Variants in CSNK1D observed in about 807,000 individuals in gnomAD.
The protein encoded by CSNK1D is casein kinase 1 delta, also known as casein kinase I isoform delta.
CSNK1D carries 16 observed loss-of-function variants against 46.6 expected under a neutral mutation model. The observed-to-expected ratio is 0.34, with a 90% confidence interval of 0.23 to 0.52. CSNK1D has a LOEUF of 0.52. CSNK1D is among the 20% of genes least tolerant of loss of function. The pLI, the probability that CSNK1D is intolerant of heterozygous loss-of-function variation, is 0.95. For missense variants in CSNK1D, 398 were observed against 578.4 expected, an observed-to-expected ratio of 0.69 and a Z score of 3.20; for synonymous variants, 276 against 228.2, an observed-to-expected ratio of 1.21 and a Z score of -1.89.
intron 2 of CSNK1D, among the ~76,000 whole-genome samples, chr17:82,264,571 C>A (rs1239299017): frequency 6.6e-6 from 1 of 152,138 alleles, no homozygotes; most frequent in South Asian, 2.1e-4. Context: ...TCATGATGGT[C>A]GCCAAGTTCA....
rs1172072884 is a variant in CSNK1D, at chr17:82,251,807, A to G, written c.737-280T>C. ...AGATCAAGACCATCCTGGCTAACAC[A>G]GTGAAACCCCATCTCTACTGAAAAA... On this transcript the variant is annotated intron_variant, in intron 5 of 8. Coordinates refer to ENST00000314028, the MANE Select transcript of CSNK1D (RefSeq NM_001893.6). This position sits in a 1 kb window ranked among gnomAD's most constrained non-coding sequence, Gnocchi z 4.5. 1.4e-5 allele frequency: 6 copies of G among 421,700 alleles called. No homozygotes were observed. Among genetic ancestry groups the G allele is most frequent in the African/African-American group, 8.3e-5 (4 of 48,370 alleles). 26.1% of individuals were successfully genotyped at this position (421,700 alleles called of 1,614,324 possible).
Position 82,273,069 on chromosome 17 carries a change from C to A in CSNK1D, c.76+237G>T. On this transcript the variant is annotated intron_variant, in intron 1 of 8. Transcript: ENST00000314028. This position sits in a 1 kb window ranked among gnomAD's most constrained non-coding sequence, Gnocchi z 5.1. Reference sequence around the variant, plus strand: ...TCCCCTCCTTCCCCAACCCTCCCCTCTCCAGACCCTGCTCCCCCGACCTGG... The same window carrying A: ...TCCCCTCCTTCCCCAACCCTCCCCTATCCAGACCCTGCTCCCCCGACCTGG... The A allele has an allele frequency of 4.1e-6, 2 of 483,806 alleles. No homozygotes were observed. The highest frequency in any genetic ancestry group is 3.7e-6 in the Non-Finnish European group (1 of 269,112). 30.0% of individuals were successfully genotyped at this position (483,806 alleles called of 1,614,324 possible). A position where few individuals can be genotyped will look rare whatever the true frequency, so the allele number is the denominator to read the frequency against.
chr17:82,271,464 C>T (rs6416862), intron 1 of CSNK1D, among the ~76,000 whole-genome samples: 19,344 of 152,194 alleles, frequency 0.13, 3,880 homozygotes, highest in African/African-American at 0.43. Context: ...CGCCAAAATC[C>T]ATTGTTCTAT....
intron 8 of CSNK1D, chr17:82,246,414 G>T: frequency 8.3e-7 from 1 of 1,211,582 alleles, no homozygotes; most frequent in East Asian, 5.1e-5. Context: ...CCGGTACGAC[G>T]ACAGGGCTCA....
intron 3 of CSNK1D, 64 bp from the exon 4 acceptor site, chr17:82,253,308 T>C: frequency 8.3e-7 from 1 of 1,208,840 alleles, no homozygotes; most frequent in Non-Finnish European, 1.2e-6. Context: ...ACCGCTCAAC[T>C]GTGGGACACT....
chr17:82,261,340 A>C lies in CSNK1D; in HGVS notation c.187+4346T>G, dbSNP rs1273201080. On this transcript the variant is annotated intron_variant, in intron 2 of 8. Transcript: ENST00000314028. ...GGTGCTGTCACGGTGGGAAGCGGCC[A>C]CTCATGCTGCTATTTGTAGTCTCAA... Among the ~76,000 whole-genome samples the C allele has an allele frequency of 2.6e-5, 4 of 151,616 alleles. No individual in the cohort carries two copies. In the South Asian group the frequency reaches 8.4e-4, roughly 32 times the overall value.
At position 82,248,277 on chromosome 17, in the gene CSNK1D, C is replaced by A; in HGVS notation, c.1197+598G>T. 1.0e-6 allele frequency: 1 copy of A among 986,586 alleles called. No homozygotes were observed. Among genetic ancestry groups the A allele is most frequent in the African/African-American group, 1.7e-5 (1 of 57,370 alleles). The allele number at this position is 986,586 out of a possible 1,614,324, so 61.1% of individuals were successfully genotyped here. A position where few individuals can be genotyped will look rare whatever the true frequency, so the allele number is the denominator to read the frequency against. On this transcript the variant is annotated intron_variant, in intron 8 of 8. Coordinates refer to ENST00000314028, the MANE Select transcript of CSNK1D (RefSeq NM_001893.6). The surrounding 1 kb of genome is among the most constrained non-coding windows in gnomAD (Gnocchi z 4.1). ...ACGCAAAAGACAACAAAAGCCAGAG[C>A]GAGGAGAGGAGAGACCGCTGCAGGA...
At chr17:82,241,896 A>C (rs1451822824), downstream of CSNK1D, among the ~76,000 whole-genome samples, 1 of 152,190 alleles carries the variant, frequency 6.6e-6, no homozygotes, top group Non-Finnish European at 1.5e-5. Context: ...ACAGCCCCGG[A>C]ACGTGGGGCT....
chr17:82,260,699 T>TGACTGATGGTGTACC, intron 2 of CSNK1D, among the ~76,000 whole-genome samples: 1 of 148,590 alleles, frequency 6.7e-6, no homozygotes, highest in African/African-American at 2.6e-5. Flanking sequence ...GATGGTGTAC[T>TGACTGATGGTGTACC]GACTGATGTG....
chr17:82,261,655 A>G (rs113579489), intron 2 of CSNK1D, among the ~76,000 whole-genome samples: 2,521 of 152,326 alleles, frequency 0.017, 58 homozygotes, highest in African/African-American at 0.052. Flanking sequence ...ACAGGTGAGC[A>G]AGGTCCTGGC....
At chr17:82,245,806 C>T (rs1055333519) in intron 8 of CSNK1D, among the ~76,000 whole-genome samples, 32 of 152,216 alleles carry the variant, frequency 2.1e-4, no homozygotes, top group Non-Finnish European at 3.4e-4. Context: ...GACTGGGCAG[C>T]GGACTGCCGC....
rs1407653288 is a variant in CSNK1D at position 82,250,417 on chromosome 17, C to A, written c.886-815G>T. On this transcript the variant is annotated intron_variant, in intron 6 of 8. Coordinates refer to ENST00000314028, the MANE Select transcript of CSNK1D (RefSeq NM_001893.6). This position sits in a 1 kb window ranked among gnomAD's most constrained non-coding sequence, Gnocchi z 4.6. ...CGCTGGCCTAGCCTGCTCTGAGGGC[C>A]GGGTGACTCTAATGCCGCAGGAGGG... 5.6e-6 allele frequency: 2 copies of A among 355,200 alleles called. No homozygotes were observed. The highest frequency in any genetic ancestry group is 1.1e-5 in the Non-Finnish European group (2 of 179,802). 22.0% of individuals were successfully genotyped at this position (355,200 alleles called of 1,614,324 possible).
chr17:82,258,539 C>T (rs115866880), intron 2 of CSNK1D, among the ~76,000 whole-genome samples: 2,593 of 152,150 alleles, frequency 0.017, 88 homozygotes, highest in African/African-American at 0.059. Flanking sequence ...TTTGTGAATT[C>T]TTTTCTCTCT....
At chr17:82,257,012 T>C (rs752769934) in intron 2 of CSNK1D, among the ~76,000 whole-genome samples, 30 of 152,172 alleles carry the variant, frequency 2.0e-4, no homozygotes, top group Admixed American at 5.2e-4. Flanking sequence ...CAGGCTGGAG[T>C]GCAGTGGCAC....
In CSNK1D at chr17:82,249,620, G is replaced by A. The variant is rs1440291820; in HGVS notation, c.886-18C>T. The A allele has an allele frequency of 2.6e-6, 4 of 1,557,828 alleles. No individual in the cohort carries two copies. The highest frequency in any genetic ancestry group is 3.5e-6 in the Non-Finnish European group (4 of 1,157,238). ...CTGGCACCCTGAGGAGGCAGGAGGT[G>A]AGGCCGGAATGGAACCAGCTTTGGC... is the stretch of plus-strand genomic sequence containing the variant. On this transcript the variant is annotated intron_variant, in intron 6 of 8. Transcript: ENST00000314028. The surrounding 1 kb of genome is among the most constrained non-coding windows in gnomAD (Gnocchi z 6.7).
chr17:82,267,561 C>T (rs1369130786), intron 1 of CSNK1D, among the ~76,000 whole-genome samples: 1 of 152,236 alleles, frequency 6.6e-6, no homozygotes, highest in Non-Finnish European at 1.5e-5. Context: ...TTACTATCAA[C>T]AGAGACTCTT....
At chr17:82,265,334 A>G (rs1181155592) in intron 2 of CSNK1D, 2 of 351,216 alleles carry the variant, frequency 5.7e-6, no homozygotes, top group East Asian at 7.4e-5. Flanking sequence ...GCACGCCATC[A>G]CACTTGGCTA....
chr17:82,252,005 A>G lies in CSNK1D; in HGVS notation c.736+429T>C, dbSNP rs2051024659. Among the ~76,000 whole-genome samples the G allele has an allele frequency of 6.6e-6, 1 of 151,948 alleles. No homozygotes were observed. The highest frequency in any genetic ancestry group is 1.5e-5 in the Non-Finnish European group (1 of 67,978). On this transcript the variant is annotated intron_variant, in intron 5 of 8. Transcript: ENST00000314028. The surrounding 1 kb of genome is among the most constrained non-coding windows in gnomAD (Gnocchi z 4.6). ...TGAGACTGTGTCTTAAAAAAAAAAA[A>G]GAAGTCATAAAGCACAATTTAGTTT...
chr17:82,250,090 T>C lies in CSNK1D; in HGVS notation c.886-488A>G. On this transcript the variant is annotated intron_variant, in intron 6 of 8. Coordinates refer to ENST00000314028, the MANE Select transcript of CSNK1D (RefSeq NM_001893.6). This position sits in a 1 kb window ranked among gnomAD's most constrained non-coding sequence, Gnocchi z 4.6. ...CCTCCAACAGCCTGTGCAGGTGTGG[T>C]GGCGTGGCCAGCAGCCGGCAGCCGG... 3.1e-6 allele frequency: 4 copies of C among 1,289,818 alleles called. No homozygotes were observed. The highest frequency in any genetic ancestry group is 4.6e-5 in the Admixed American group (2 of 43,538). 79.9% of individuals were successfully genotyped at this position (1,289,818 alleles called of 1,614,324 possible).
Sources: allele counts gnomAD v4.1 joint callset (sites outside exome capture counted in the v4.1 genomes callset), GRCh38; gene constraint gnomAD v4.1.1; non-coding constraint Gnocchi (gnomAD v3.1); transcripts MANE v1.5; gene names NCBI Gene and HGNC (gene_info 2026-07-23, HGNC 2026-07-21).